Variants in ARL14EP observed in about 807,000 individuals in gnomAD.
ARL14EP encodes ARL14 effector protein.
A neutral mutation model predicts 23.1 loss-of-function variants in ARL14EP; 12 were observed. The ratio of observed to expected loss-of-function variants is 0.52; its 90% CI spans 0.33 to 0.84. ARL14EP has a LOEUF of 0.84. ARL14EP is among the 40% of genes least tolerant of loss of function. The pLI, the probability that ARL14EP is intolerant of heterozygous loss-of-function variation, is 0.02. For synonymous variants in ARL14EP, 97 were observed against 102.0 expected (o/e 0.95, Z 0.29); for missense variants, 253 against 307.3 (o/e 0.82, Z 1.32).
At chr11:30,326,629 G>A (rs1947236606) in intron 1 of ARL14EP, among the ~76,000 whole-genome samples, 1 of 152,146 alleles carries the variant, frequency 6.6e-6, no homozygotes, top group South Asian at 2.1e-4. Flanking sequence ...GAATATAACA[G>A]AGGAGGAACA....
rs1179043966 is a variant in ARL14EP at position 30,332,846 on chromosome 11, A to G, written c.427-20A>G. The G allele has an allele frequency of 1.2e-6, 2 of 1,611,552 alleles. No homozygotes were observed. Among genetic ancestry groups the G allele is most frequent in the Non-Finnish European group, 1.7e-6 (2 of 1,178,550 alleles). On this transcript the variant is annotated intron_variant, in intron 2 of 3. Coordinates refer to ENST00000282032, the MANE Select transcript of ARL14EP (RefSeq NM_152316.3). ...TCTGTTGTCAAGATTTGAGTTGATA[A>G]TTTGTTTACCTTTCTTCAGGGAAGA...
intron 1 of ARL14EP, among the ~76,000 whole-genome samples, chr11:30,324,031 C>T (rs1947216999): frequency 1.3e-5 from 2 of 152,082 alleles, no homozygotes; most frequent in African/African-American, 4.8e-5. Flanking sequence ...TCCTCTTTGC[C>T]TTTGGGCCAA....
At position 30,331,013 on chromosome 11, in the gene ARL14EP, A is replaced by G. The variant is rs1275555496; in HGVS notation, c.65A>G (p.Tyr22Cys). The change falls in exon 2 of 4, where the codon TAT (tyrosine) becomes TGT (cysteine). Residue 22 changes from tyrosine to cysteine, a missense_variant. Transcript: ENST00000282032. ...RTTNECHKTYYTRHTGFKTLQ... is the reference protein window; with the variant it reads ...RTTNECHKTYCTRHTGFKTLQ... Reference sequence around the variant, plus strand: ...ACAAATGAGTGCCATAAAACCTACTATACTCGTCACACAGGTTTTAAGACT... The same window carrying G: ...ACAAATGAGTGCCATAAAACCTACTGTACTCGTCACACAGGTTTTAAGACT... The G allele has an allele frequency of 1.2e-6, 2 of 1,613,882 alleles. No homozygotes were observed. The highest frequency in any genetic ancestry group is 1.3e-5 in the African/African-American group (1 of 75,054).
intron 1 of ARL14EP, chr11:30,328,005 C>G (rs993690893): frequency 1.3e-5 from 2 of 151,844 alleles, no homozygotes; most frequent in African/African-American, 4.8e-5. Context: ...TAAGAAAGGT[C>G]AAAGCCAGAT....
chr11:30,329,807 G>A (rs1383994761), intron 1 of ARL14EP: 2 of 151,842 alleles, frequency 1.3e-5, no homozygotes, highest in East Asian at 1.9e-4. Flanking sequence ...GGAGTTACTC[G>A]AATATTTATG....
At chr11:30,336,524 T>C in intron 3 of ARL14EP, 43 bp from the exon 4 acceptor site, 1 of 1,476,756 alleles carries the variant, frequency 6.8e-7, no homozygotes, top group South Asian at 1.2e-5. Context: ...AAATCAAAAA[T>C]AACATATTTA....
chr11:30,323,409 A>G (rs1463175546), intron 1 of ARL14EP, among the ~76,000 whole-genome samples: 4 of 152,162 alleles, frequency 2.6e-5, no homozygotes, highest in Admixed American at 2.6e-4. Context: ...GCCTTGTGTC[A>G]AAGCCCAGCA....
At chr11:30,328,965 T>A (rs1366954654) in intron 1 of ARL14EP, 1 of 152,124 alleles carries the variant, frequency 6.6e-6, no homozygotes, top group East Asian at 1.9e-4. Context: ...CTTTTTTTTT[T>A]AATTTGCTTT....
chr11:30,326,899 G>C (rs770282524), intron 1 of ARL14EP, among the ~76,000 whole-genome samples: 4 of 152,184 alleles, frequency 2.6e-5, no homozygotes, highest in Non-Finnish European at 5.9e-5. Context: ...GTAAAATTTA[G>C]TTTTTATCAC....
chr11:30,335,313 T>A (rs1947322464), intron 3 of ARL14EP, among the ~76,000 whole-genome samples: 1 of 152,248 alleles, frequency 6.6e-6, no homozygotes, highest in Admixed American at 6.5e-5. Flanking sequence ...CTGGTGAGGA[T>A]GCTGTTAACA....
intron 3 of ARL14EP, among the ~76,000 whole-genome samples, chr11:30,334,670 GA>G (rs1399665284): frequency 1.3e-5 from 2 of 152,138 alleles, no homozygotes; most frequent in Non-Finnish European, 2.9e-5. Context: ...TTACCTCTTC[GA>G]AATCCTAGGG....
At chr11:30,334,436 G>A (rs752129491) in intron 3 of ARL14EP, among the ~76,000 whole-genome samples, 43 of 151,870 alleles carry the variant, frequency 2.8e-4, no homozygotes, top group Admixed American at 5.2e-4. Context: ...GGATGGTCTC[G>A]ATCTCCTGCC....
chr11:30,335,463 T>A (rs1196339040), intron 3 of ARL14EP, among the ~76,000 whole-genome samples: 1 of 152,160 alleles, frequency 6.6e-6, no homozygotes, highest in African/African-American at 2.4e-5. Context: ...CAGAGAAATC[T>A]TTTGTAAGAA....
chr11:30,331,757 A>C lies in ARL14EP; in HGVS notation c.426+383A>C, dbSNP rs910173804. On this transcript the variant is annotated intron_variant, in intron 2 of 3. Coordinates refer to ENST00000282032, the MANE Select transcript of ARL14EP (RefSeq NM_152316.3). ...TGCAGCAGGATGACTTCGCCTTTAT[A>C]TGAAGGACTTGGAAATCACTGCTTT... 5.9e-6 allele frequency: 6 copies of C among 1,024,776 alleles called. No homozygotes were observed. In the African/African-American group the frequency reaches 1.0e-4, roughly 18 times the overall value. 63.5% of individuals were successfully genotyped at this position (1,024,776 alleles called of 1,614,324 possible). A position where few individuals can be genotyped will look rare whatever the true frequency, so the allele number is the denominator to read the frequency against.
chr11:30,324,176 A>T (rs1293051956), intron 1 of ARL14EP, among the ~76,000 whole-genome samples: 1 of 152,192 alleles, frequency 6.6e-6, no homozygotes, highest in Non-Finnish European at 1.5e-5. Flanking sequence ...AGATTAAATT[A>T]TATTTTTATT....
At position 30,325,316 on chromosome 11, in the gene ARL14EP, AT is replaced by A. The variant is rs537278357; in HGVS notation, c.-64+2116del. 9.0e-4 allele frequency among the ~76,000 whole-genome samples: 137 copies of A among 152,278 alleles called. 1 individual carries two copies. Among genetic ancestry groups the A allele is most frequent in the African/African-American group, 3.2e-3 (132 of 41,548 alleles). On this transcript the variant is annotated intron_variant, in intron 1 of 3. Transcript: ENST00000282032. The stretch of plus-strand genomic sequence containing the variant: ...TCTGTAGGGCCAAGCAGATCAGCAA[AT>A]TATTCATAAATTCATAGTTGAAGCA...
At chr11:30,330,802 A>G in intron 1 of ARL14EP, 84 bp from the exon 2 acceptor site, 3 of 701,464 alleles carry the variant, frequency 4.3e-6, no homozygotes, top group Non-Finnish European at 4.9e-6. Context: ...TCTTTTAGAT[A>G]GGTGTTGAAT....
chr11:30,333,107 T>G, intron 3 of ARL14EP, 114 bp downstream of exon 3: 1 of 1,367,138 alleles, frequency 7.3e-7, no homozygotes, highest in South Asian at 1.3e-5. Context: ...TTGGATAATG[T>G]AGAATTAGTA....
At chr11:30,335,647 A>C (rs1352713596) in intron 3 of ARL14EP, among the ~76,000 whole-genome samples, 1 of 152,200 alleles carries the variant, frequency 6.6e-6, no homozygotes, top group East Asian at 1.9e-4. Context: ...ATTTTTTAGC[A>C]ATAGAGCATT....
Sources: gnomAD v4.1 joint callset for allele counts (sites outside exome capture counted in the v4.1 genomes callset) on GRCh38, gnomAD v4.1.1 for gene constraint, MANE v1.5 for transcripts, NCBI Gene and HGNC (gene_info 2026-07-23, HGNC 2026-07-21) for gene names.